The following LY96 variants were observed in gnomAD, a reference collection of about 807,000 sequenced individuals.
LY96 encodes myeloid differentiation protein-2.
In LY96, 18 loss-of-function variants were observed where a neutral mutation model predicts 18.9. The ratio of observed to expected loss-of-function variants is 0.95; its 90% CI spans 0.66 to 1.41. The LOEUF is 1.41. Ranked by LOEUF, LY96 falls within the 40% of genes most tolerant of loss-of-function variation. The pLI is 0.00. For missense variants in LY96, 175 were observed against 182.4 expected, an observed-to-expected ratio of 0.96 and a Z score of 0.23; for synonymous variants, 66 against 62.6, an observed-to-expected ratio of 1.06 and a Z score of -0.26.
the LY96 span, among the ~76,000 whole-genome samples, chr8:74,058,434 A>G: frequency 2.0e-5 from 3 of 152,178 alleles, no homozygotes; most frequent in Non-Finnish European, 4.4e-5. Context: ...TAAGTTTACT[A>G]GAGAATGTAT....
chr8:74,077,219 C>G, the LY96 span, among the ~76,000 whole-genome samples: 2 of 152,086 alleles, frequency 1.3e-5, no homozygotes, highest in Non-Finnish European at 2.9e-5. Flanking sequence ...TCTCATTGTT[C>G]GAGAGTTTTT....
At chr8:74,014,819 A>G (rs1816608739) in intron 3 of LY96, among the ~76,000 whole-genome samples, 1 of 150,192 alleles carries the variant, frequency 6.7e-6, no homozygotes, top group South Asian at 2.1e-4. Context: ...GTTTACACAC[A>G]CACACACACA....
intron 3 of LY96, among the ~76,000 whole-genome samples, chr8:74,026,082 A>G (rs919798106): frequency 3.9e-5 from 6 of 152,264 alleles, no homozygotes; most frequent in African/African-American, 1.4e-4. Context: ...TTGTGAGACT[A>G]GAAGTATACA....
the LY96 span, among the ~76,000 whole-genome samples, chr8:74,064,420 C>T: frequency 9.2e-5 from 14 of 152,172 alleles, no homozygotes; most frequent in Non-Finnish European, 2.9e-5. Context: ...TCATCCTCAT[C>T]CTTAAGAAAG....
At chr8:74,029,959 T>A (rs774640165), downstream of LY96, among the ~76,000 whole-genome samples, 54 of 152,130 alleles carry the variant, frequency 3.5e-4, no homozygotes, top group Non-Finnish European at 1.9e-4. Flanking sequence ...CTAAACCTCT[T>A]TCCTTTAGAA....
intron 3 of LY96, among the ~76,000 whole-genome samples, chr8:74,022,733 C>T (rs967805717): frequency 2.0e-5 from 3 of 151,908 alleles, no homozygotes; most frequent in Non-Finnish European, 2.9e-5. Context: ...TGCATGCCAC[C>T]ACGCCCAACA....
At chr8:74,048,058 A>ACC in the LY96 span, among the ~76,000 whole-genome samples, 1 of 151,970 alleles carries the variant, frequency 6.6e-6, no homozygotes, top group Non-Finnish European at 1.5e-5. Context: ...ACCGCCACAC[A>ACC]GCTAACTTTT....
the LY96 span, among the ~76,000 whole-genome samples, chr8:74,064,138 C>A: frequency 6.6e-6 from 1 of 151,722 alleles, no homozygotes. Flanking sequence ...ACCAAAAAAC[C>A]AATATAAAAC....
chr8:74,067,371 A>C, the LY96 span, among the ~76,000 whole-genome samples: 32 of 152,300 alleles, frequency 2.1e-4, no homozygotes, highest in South Asian at 5.6e-3. Flanking sequence ...CTGGGACTGC[A>C]GGTGTGCACC....
At chr8:74,070,591 T>A in the LY96 span, among the ~76,000 whole-genome samples, 2 of 152,204 alleles carry the variant, frequency 1.3e-5, no homozygotes, top group Admixed American at 1.3e-4. Context: ...AAGTTCCCCT[T>A]CAACTGACTC....
chr8:74,068,888 G>A, the LY96 span, among the ~76,000 whole-genome samples: 4 of 129,194 alleles, frequency 3.1e-5, no homozygotes, highest in Admixed American at 7.2e-5. Flanking sequence ...CTCCGCCTCC[G>A]GGTTCCAGCA....
intron 3 of LY96, among the ~76,000 whole-genome samples, chr8:74,022,167 G>C (rs945896681): frequency 1.3e-5 from 2 of 152,144 alleles, no homozygotes; most frequent in Non-Finnish European, 2.9e-5. Context: ...CAGCACTTTG[G>C]GAGGCCGAGG....
At chr8:74,078,388 A>G in the LY96 span, among the ~76,000 whole-genome samples, 15 of 152,306 alleles carry the variant, frequency 9.8e-5, no homozygotes, top group Admixed American at 8.5e-4. Flanking sequence ...TACTGAGAGC[A>G]TTTTTGAGAG....
At chr8:74,010,277 C>T (rs1816504455) in intron 3 of LY96, 148 bp downstream of exon 3, 1 of 670,788 alleles carries the variant, frequency 1.5e-6, no homozygotes, top group Non-Finnish European at 2.5e-6. Context: ...GCTTAAATAA[C>T]ATTTTATAAC....
chr8:74,029,894 A>C (rs1241272074), downstream of LY96, among the ~76,000 whole-genome samples: 1 of 152,188 alleles, frequency 6.6e-6, no homozygotes, highest in Non-Finnish European at 1.5e-5. Flanking sequence ...TCCTGACCTC[A>C]GGTGATCGGA....
chr8:74,002,093 T>TTCTTTC lies in LY96; in HGVS notation c.113-2700_113-2699insTTCTCT, dbSNP rs1563710943. On this transcript the variant is annotated intron_variant, in intron 1 of 4. Coordinates refer to ENST00000284818, the MANE Select transcript of LY96 (RefSeq NM_015364.5). ...TTCCTTCCTTTCTTTCTTTCTTTCT[T>TTCTTTC]TCTCTCTCTCTCTCTCTCTCTCTCT... 4.6e-3 allele frequency among the ~76,000 whole-genome samples: 177 copies of TTCTTTC among 38,724 alleles called. 26 individuals are homozygous for TTCTTTC. Among genetic ancestry groups the TTCTTTC allele is most frequent in the African/African-American group, 5.3e-3 (34 of 6,456 alleles). The allele number at this position is 38,724 out of a possible 152,430, so 25.4% of individuals were successfully genotyped here. A position where few individuals can be genotyped will look rare whatever the true frequency, so the allele number is the denominator to read the frequency against.
the LY96 span, among the ~76,000 whole-genome samples, chr8:74,092,165 T>C: frequency 2.0e-5 from 3 of 152,138 alleles, no homozygotes; most frequent in Non-Finnish European, 4.4e-5. Flanking sequence ...ATCTCATGGG[T>C]GACAAGCTGG....
the LY96 span, among the ~76,000 whole-genome samples, chr8:74,065,218 G>A: frequency 6.6e-6 from 1 of 152,202 alleles, no homozygotes; most frequent in Non-Finnish European, 1.5e-5. Flanking sequence ...ATCTTTGCCT[G>A]TAAATTCTGT....
chr8:74,087,507 C>T, the LY96 span, among the ~76,000 whole-genome samples: 1 of 152,132 alleles, frequency 6.6e-6, no homozygotes, highest in Non-Finnish European at 1.5e-5. Flanking sequence ...TTTGGAATCC[C>T]GGGGTCCCAC....
Sources: allele counts gnomAD v4.1 joint callset (sites outside exome capture counted in the v4.1 genomes callset), GRCh38; gene constraint gnomAD v4.1.1; transcripts MANE v1.5; gene names NCBI Gene and HGNC (gene_info 2026-07-23, HGNC 2026-07-21).